Variants in RANBP2 observed in about 807,000 individuals in gnomAD.
RANBP2 encodes RAN binding protein 2.
A neutral mutation model predicts 303.6 loss-of-function variants in RANBP2; 57 were observed. That is an observed-to-expected ratio of 0.19 (90% CI 0.15 to 0.23). The LOEUF is 0.23. Ranked by LOEUF, RANBP2 falls within the 10% of genes least tolerant of loss-of-function variation. The probability of loss-of-function intolerance (pLI) is 1.00; values close to 1 mark genes in which losing one functional copy is unlikely to be tolerated. For synonymous variants in RANBP2, 1,167 were observed against 1,301.5 expected, an observed-to-expected ratio of 0.90 and a Z score of 2.23; for missense variants, 3,138 against 3,780.8, an observed-to-expected ratio of 0.83 and a Z score of 4.46.
chr2:108,878,450 C>T, the RANBP2 span: 4 of 215,838 alleles, frequency 1.9e-5, no homozygotes, highest in Admixed American at 8.2e-5. Context: ...AGAGGAACCA[C>T]GCTGGGTCTG....
chr2:109,643,004 G>A, the RANBP2 span, among the ~76,000 whole-genome samples: 1 of 151,866 alleles, frequency 6.6e-6, no homozygotes, highest in Non-Finnish European at 1.5e-5. Flanking sequence ...GTGAGACCCT[G>A]TCTCTACTAA....
chr2:109,388,850 A>G, the RANBP2 span, among the ~76,000 whole-genome samples: 1 of 151,936 alleles, frequency 6.6e-6, no homozygotes, highest in African/African-American at 2.4e-5. Context: ...AGAAGGGGGT[A>G]TAGAGACGGG....
the RANBP2 span, among the ~76,000 whole-genome samples, chr2:109,132,284 A>G: frequency 6.6e-6 from 1 of 152,184 alleles, no homozygotes; most frequent in East Asian, 1.9e-4. Context: ...AAGTATTGGC[A>G]TAGCTTGTTT....
the RANBP2 span, among the ~76,000 whole-genome samples, chr2:109,319,244 T>C: frequency 6.6e-6 from 1 of 152,210 alleles, no homozygotes; most frequent in Admixed American, 6.5e-5. Flanking sequence ...GTGTTAAGCT[T>C]GCTGCATTTT....
chr2:108,992,801 T>C, the RANBP2 span, among the ~76,000 whole-genome samples: 1 of 152,228 alleles, frequency 6.6e-6, no homozygotes, highest in Non-Finnish European at 1.5e-5. Context: ...GACTGTTTTC[T>C]GGAAGAACGT....
At chr2:109,015,411 C>T in the RANBP2 span, among the ~76,000 whole-genome samples, 1 of 152,126 alleles carries the variant, frequency 6.6e-6, no homozygotes, top group Non-Finnish European at 1.5e-5. Context: ...TATTTTCTCT[C>T]CCTTATGCTT....
chr2:109,582,033 C>T, the RANBP2 span, among the ~76,000 whole-genome samples: 1 of 151,590 alleles, frequency 6.6e-6, no homozygotes, highest in Non-Finnish European at 1.5e-5. Flanking sequence ...CAATAATGGT[C>T]AAGCTGAGAG....
the RANBP2 span, among the ~76,000 whole-genome samples, chr2:109,295,043 C>G: frequency 6.6e-6 from 1 of 152,254 alleles, no homozygotes; most frequent in Non-Finnish European, 1.5e-5. Flanking sequence ...TTCTCAGGAT[C>G]CCTGCAGGAA....
the RANBP2 span, among the ~76,000 whole-genome samples, chr2:108,904,047 T>C: frequency 6.6e-6 from 1 of 152,084 alleles, no homozygotes; most frequent in Non-Finnish European, 1.5e-5. Context: ...GGAGAAAACA[T>C]TTATAAAACC....
At chr2:108,852,057 A>G in the RANBP2 span, among the ~76,000 whole-genome samples, 1 of 152,324 alleles carries the variant, frequency 6.6e-6, no homozygotes, top group Non-Finnish European at 1.5e-5. Context: ...AACCAAAGAA[A>G]TAAACACCTA....
chr2:108,722,037 ATTT>A (rs754633212), intron 1 of RANBP2, among the ~76,000 whole-genome samples: 1 of 136,648 alleles, frequency 7.3e-6, no homozygotes, highest in Non-Finnish European at 1.6e-5. Flanking sequence ...GCTCAGCCTG[ATTT>A]TTTTTTTTTT....
intron 24 of RANBP2, among the ~76,000 whole-genome samples, chr2:108,776,919 T>C (rs1558937531): frequency 6.6e-6 from 1 of 152,136 alleles, no homozygotes; most frequent in Non-Finnish European, 1.5e-5. Context: ...GCATTTGGTG[T>C]AGTATTGTAG....
chr2:109,302,336 A>G, the RANBP2 span, among the ~76,000 whole-genome samples: 1 of 152,250 alleles, frequency 6.6e-6, no homozygotes, highest in African/African-American at 2.4e-5. Context: ...AGGATGGGAA[A>G]GTTAGGCTGC....
At chr2:109,404,790 C>A in the RANBP2 span, among the ~76,000 whole-genome samples, 203 of 152,282 alleles carry the variant, frequency 1.3e-3, 2 homozygotes, top group African/African-American at 4.6e-3. Context: ...TTGCCCACCA[C>A]CCCTGCTGCT....
the RANBP2 span, among the ~76,000 whole-genome samples, chr2:109,110,672 A>G: frequency 2.0e-5 from 3 of 152,176 alleles, no homozygotes; most frequent in East Asian, 5.8e-4. Context: ...TTTCATCTGC[A>G]CTCTGTCTGG....
chr2:109,146,563 T>G, the RANBP2 span, among the ~76,000 whole-genome samples: 7 of 152,120 alleles, frequency 4.6e-5, no homozygotes, highest in Admixed American at 1.3e-4. Context: ...AGCCTACCTC[T>G]GAATGCACGC....
chr2:109,724,756 C>G, the RANBP2 span, among the ~76,000 whole-genome samples: 1 of 152,122 alleles, frequency 6.6e-6, no homozygotes, highest in Non-Finnish European at 1.5e-5. Context: ...GGAAGCCAGC[C>G]TGCCTCCAGG....
At chr2:109,123,980 T>TTTTATTTATTTA in the RANBP2 span, among the ~76,000 whole-genome samples, 6 of 147,598 alleles carry the variant, frequency 4.1e-5, no homozygotes, top group East Asian at 2.0e-4. Context: ...TTCTTTTCAG[T>TTTTATTTATTTA]TTTATTTATT....
At chr2:109,203,716 C>T in the RANBP2 span, among the ~76,000 whole-genome samples, 1 of 152,216 alleles carries the variant, frequency 6.6e-6, no homozygotes, top group Non-Finnish European at 1.5e-5. Flanking sequence ...GGAGCCCCAT[C>T]TTCTCTCCAT....
Sources: gnomAD v4.1 joint callset for allele counts (sites outside exome capture counted in the v4.1 genomes callset) on GRCh38, gnomAD v4.1.1 for gene constraint, MANE v1.5 for transcripts, NCBI Gene and HGNC (gene_info 2026-07-23, HGNC 2026-07-21) for gene names.